Variants in ARMC9 observed in about 807,000 individuals in gnomAD.
The protein encoded by ARMC9 is lisH domain-containing protein ARMC9.
ARMC9 carries 94 observed loss-of-function variants against 107.0 expected under a neutral mutation model. The ratio of observed to expected loss-of-function variants is 0.88; its 90% confidence interval spans 0.74 to 1.04. The LOEUF is 1.04. Among genes scored for constraint, ARMC9 ranks in the 50% least tolerant of loss-of-function variants. The pLI is 0.00. For missense variants in ARMC9, 942 were observed against 1,030.1 expected, an observed-to-expected ratio of 0.91 and a Z score of 1.17; for synonymous variants, 380 against 396.9, an observed-to-expected ratio of 0.96 and a Z score of 0.51.
intron 21 of ARMC9, among the ~76,000 whole-genome samples, chr2:231,345,723 A>G (rs2044783204): frequency 6.6e-6 from 1 of 152,194 alleles, no homozygotes; most frequent in South Asian, 2.1e-4. Flanking sequence ...TTTCCTGTCT[A>G]GAGAGAATAT....
intron 3 of ARMC9, 116 bp from the exon 4 acceptor site, chr2:231,214,715 T>C: frequency 9.1e-7 from 1 of 1,100,988 alleles, no homozygotes; most frequent in Non-Finnish European, 1.3e-6. Flanking sequence ...TCTCTATTTT[T>C]CTATCCTTTA....
chr2:231,332,101 C>T (rs549234036), intron 20 of ARMC9, among the ~76,000 whole-genome samples: 29 of 152,234 alleles, frequency 1.9e-4, no homozygotes, highest in Non-Finnish European at 3.7e-4. Context: ...GACAGGTGTA[C>T]GGATTGGGGA....
intron 12 of ARMC9, among the ~76,000 whole-genome samples, chr2:231,267,373 G>A (rs988703450): frequency 1.3e-5 from 2 of 152,160 alleles, no homozygotes; most frequent in Non-Finnish European, 2.9e-5. Context: ...TGGGACTACA[G>A]GTGCGCGTCA....
intron 11 of ARMC9, among the ~76,000 whole-genome samples, chr2:231,261,477 G>A (rs1311878019): frequency 6.6e-6 from 1 of 152,182 alleles, no homozygotes; most frequent in Non-Finnish European, 1.5e-5. Context: ...TTCCCAATAG[G>A]ATAGGATAGA....
intron 9 of ARMC9, among the ~76,000 whole-genome samples, chr2:231,252,682 G>A (rs2037408735): frequency 6.6e-6 from 1 of 152,138 alleles, no homozygotes; most frequent in Non-Finnish European, 1.5e-5. Context: ...TGTTGCCCAG[G>A]CTGGAGTGCA....
At chr2:231,273,931 A>G (rs531233889) in intron 14 of ARMC9, among the ~76,000 whole-genome samples, 69 of 152,222 alleles carry the variant, frequency 4.5e-4, no homozygotes, top group Non-Finnish European at 6.9e-4. Flanking sequence ...CCCGGTAGCC[A>G]CAAATCTGCT....
chr2:231,339,201 A>G (rs2044335479), intron 20 of ARMC9, among the ~76,000 whole-genome samples: 2 of 144,082 alleles, frequency 1.4e-5, no homozygotes, highest in South Asian at 5.4e-4. Context: ...GGTGGTGTGC[A>G]TCTGTAATCC....
At chr2:231,246,420 T>C (rs2036769571) in intron 9 of ARMC9, among the ~76,000 whole-genome samples, 1 of 152,154 alleles carries the variant, frequency 6.6e-6, no homozygotes, top group Non-Finnish European at 1.5e-5. Context: ...GAGTGCTCAG[T>C]GTTTAGCTTC....
At chr2:231,283,740 T>G (rs1020093355) in intron 17 of ARMC9, among the ~76,000 whole-genome samples, 16 of 152,062 alleles carry the variant, frequency 1.1e-4, no homozygotes, top group African/African-American at 2.9e-4. Context: ...AATTTTTGTT[T>G]TAGTTTTTGA....
At chr2:231,304,742 T>C (rs2041951357) in intron 19 of ARMC9, among the ~76,000 whole-genome samples, 1 of 152,212 alleles carries the variant, frequency 6.6e-6, no homozygotes. Context: ...AATTGTGTAT[T>C]ATCAACACCA....
intron 12 of ARMC9, among the ~76,000 whole-genome samples, chr2:231,267,689 A>G (rs1404436353): frequency 6.6e-6 from 1 of 152,208 alleles, no homozygotes; most frequent in Non-Finnish European, 1.5e-5. Context: ...AGGGCATGGA[A>G]GGGGGAGCTA....
At chr2:231,248,794 G>T (rs1288709245) in intron 9 of ARMC9, among the ~76,000 whole-genome samples, 2 of 131,324 alleles carry the variant, frequency 1.5e-5, no homozygotes, top group East Asian at 4.6e-4. Context: ...GCAACAGAAC[G>T]AGGTTCTGTC....
intron 19 of ARMC9, among the ~76,000 whole-genome samples, chr2:231,316,681 G>A (rs1444893546): frequency 2.0e-5 from 3 of 148,390 alleles, no homozygotes; most frequent in Admixed American, 1.3e-4. Flanking sequence ...AAAAAAGAAA[G>A]AAAAAAAAAG....
chr2:231,246,851 T>G (rs1347321931), intron 9 of ARMC9, among the ~76,000 whole-genome samples: 1 of 152,148 alleles, frequency 6.6e-6, no homozygotes, highest in Admixed American at 6.5e-5. Flanking sequence ...AAGGCCTTGC[T>G]TTGTCGCCCA....
chr2:231,338,781 T>G (rs988709254), intron 20 of ARMC9, among the ~76,000 whole-genome samples: 7 of 152,100 alleles, frequency 4.6e-5, no homozygotes, highest in African/African-American at 1.7e-4. Flanking sequence ...TCTTCATATA[T>G]CTTCTGTTTT....
chr2:231,334,532 T>C (rs1363309050), intron 20 of ARMC9, among the ~76,000 whole-genome samples: 1 of 152,228 alleles, frequency 6.6e-6, no homozygotes, highest in East Asian at 1.9e-4. Flanking sequence ...TACAAGGGTC[T>C]TTTTTCCAAA....
intron 19 of ARMC9, among the ~76,000 whole-genome samples, chr2:231,307,446 C>G (rs1464427756): frequency 6.6e-6 from 1 of 152,154 alleles, no homozygotes; most frequent in Non-Finnish European, 1.5e-5. Context: ...GGAAAGCACA[C>G]TTGGGGGCAA....
intron 9 of ARMC9, among the ~76,000 whole-genome samples, chr2:231,240,979 C>T: frequency 6.6e-6 from 1 of 152,156 alleles, no homozygotes; most frequent in Non-Finnish European, 1.5e-5. Context: ...GCGGGTGGAT[C>T]ACGAGGTCAG....
intron 9 of ARMC9, among the ~76,000 whole-genome samples, chr2:231,251,713 G>A (rs935849310): frequency 2.0e-5 from 3 of 152,068 alleles, no homozygotes; most frequent in Admixed American, 6.6e-5. Context: ...AAATACTGCA[G>A]CCTTCTCTCC....
Sources: allele counts gnomAD v4.1 joint callset (sites outside exome capture counted in the v4.1 genomes callset), GRCh38; gene constraint gnomAD v4.1.1; transcripts MANE v1.5; gene names NCBI Gene and HGNC (gene_info 2026-07-23, HGNC 2026-07-21).